Variants in ANK2 observed in about 807,000 individuals in gnomAD.
ANK2 encodes the protein ankyrin 2, also known as ankyrin-2.
Under a neutral mutation model 360.5 loss-of-function variants are expected in ANK2, and 83 were observed. The ratio of observed to expected loss-of-function variants is 0.23; its 90% confidence interval spans 0.19 to 0.28. ANK2 has a LOEUF of 0.28. Ranked by LOEUF, ANK2 falls within the 10% of genes least tolerant of loss-of-function variation. ANK2 has a pLI of 1.00. For synonymous variants in ANK2, 1,740 were observed against 1,759.5 expected, an observed-to-expected ratio of 0.99 and a Z score of 0.28; for missense variants, 4,201 against 4,795.7, an observed-to-expected ratio of 0.88 and a Z score of 3.66.
At chr4:112,971,817 A>G (rs1453855769) in intron 2 of ANK2, among the ~76,000 whole-genome samples, 1 of 152,240 alleles carries the variant, frequency 6.6e-6, no homozygotes, top group Non-Finnish European at 1.5e-5. Flanking sequence ...TCATAGGGCT[A>G]TTTCCTCAAC....
intron 15 of ANK2, among the ~76,000 whole-genome samples, chr4:113,275,026 G>A (rs1446296370): frequency 6.6e-6 from 1 of 152,206 alleles, no homozygotes; most frequent in Non-Finnish European, 1.5e-5. Context: ...GCATTAGATT[G>A]GCAGTACTAT....
At chr4:113,053,459 C>T (rs931249755) in intron 1 of ANK2, among the ~76,000 whole-genome samples, 2 of 152,112 alleles carry the variant, frequency 1.3e-5, no homozygotes, top group African/African-American at 4.8e-5. Context: ...AGTGGTGGTT[C>T]AGTGGCGAAG....
At chr4:113,342,839 GAAGA>G (rs2094446908) in intron 33 of ANK2, among the ~76,000 whole-genome samples, 174 bp from the exon 34 acceptor site, 2 of 152,202 alleles carry the variant, frequency 1.3e-5, no homozygotes, top group African/African-American at 4.8e-5. Context: ...TTACTAGTAA[GAAGA>G]AAGAGTGCTG....
chr4:113,181,757 G>A (rs1283542232), intron 2 of ANK2, among the ~76,000 whole-genome samples: 2 of 152,144 alleles, frequency 1.3e-5, no homozygotes, highest in Non-Finnish European at 2.9e-5. Flanking sequence ...CACAGAAGGA[G>A]CATGCTGGCA....
chr4:113,238,294 C>T (rs1409759052), intron 7 of ANK2, among the ~76,000 whole-genome samples: 1 of 152,124 alleles, frequency 6.6e-6, no homozygotes, highest in Non-Finnish European at 1.5e-5. Flanking sequence ...GAGACACTAA[C>T]ACGAACATTG....
intron 2 of ANK2, among the ~76,000 whole-genome samples, chr4:113,190,292 G>T (rs896458267): frequency 6.6e-6 from 1 of 151,962 alleles, no homozygotes; most frequent in Non-Finnish European, 1.5e-5. Flanking sequence ...TTCATTTTTT[G>T]TAGAGACAGG....
chr4:112,745,495 T>C, the ANK2 span, among the ~76,000 whole-genome samples: 9 of 151,950 alleles, frequency 5.9e-5, no homozygotes, highest in Non-Finnish European at 8.8e-5. Flanking sequence ...TTTATTGTTG[T>C]CTGTAGTCAC....
At chr4:113,016,050 G>A (rs981376167) in intron 2 of ANK2, among the ~76,000 whole-genome samples, 3 of 151,540 alleles carry the variant, frequency 2.0e-5, no homozygotes, top group African/African-American at 7.3e-5. Flanking sequence ...CTTGGGATAG[G>A]GTCTTACTCT....
chr4:113,079,212 T>C (rs778353362), intron 1 of ANK2, among the ~76,000 whole-genome samples: 1 of 152,246 alleles, frequency 6.6e-6, no homozygotes, highest in Non-Finnish European at 1.5e-5. Flanking sequence ...TTGGAATCTA[T>C]TGAGTTAGTG....
At chr4:113,293,626 G>A in intron 22 of ANK2, 88 bp downstream of exon 22, 1 of 1,281,048 alleles carries the variant, frequency 7.8e-7, no homozygotes, top group Non-Finnish European at 1.1e-6. Context: ...CTCACAAGAT[G>A]TTTGGAGCTT....
chr4:112,905,316 G>A (rs1207402406), intron 2 of ANK2, among the ~76,000 whole-genome samples: 1 of 152,096 alleles, frequency 6.6e-6, no homozygotes, highest in Non-Finnish European at 1.5e-5. Context: ...ATAACATATG[G>A]TGCCTTTGTA....
In ANK2 at chr4:112,921,419, A is replaced by G. The variant is rs1287847857; in HGVS notation, c.21+16905A>G. Among the ~76,000 whole-genome samples, 10 of 143,626 alleles carry G rather than the reference A, an allele frequency of 7.0e-5. No homozygotes were observed. In the East Asian group the frequency reaches 1.8e-3, roughly 26 times the overall value. The allele number at this position is 143,626 out of a possible 152,430, so 94.2% of individuals were successfully genotyped here. On this transcript the variant is annotated intron_variant, in intron 2 of 30. Coordinates refer to the ANK2 transcript ENST00000503271. ...TTTTTTAACTGTTCCATAATCTGAC[A>G]TTCTAAAAGTATAAATTATTTTGAG...
At chr4:112,710,831 T>C in the ANK2 span, among the ~76,000 whole-genome samples, 3 of 151,280 alleles carry the variant, frequency 2.0e-5, no homozygotes, top group African/African-American at 4.8e-5. Flanking sequence ...AGCTCCTCAA[T>C]TATTTGTGCT....
intron 41 of ANK2, 37 bp from the exon 42 acceptor site, chr4:113,367,529 A>G (rs1264689043): frequency 1.4e-5 from 23 of 1,598,496 alleles, no homozygotes; most frequent in Non-Finnish European, 1.9e-5. Flanking sequence ...CAATATAGGT[A>G]AGCTTCAACT....
intron 13 of ANK2, among the ~76,000 whole-genome samples, chr4:113,259,744 C>T (rs1332745553): frequency 2.0e-5 from 3 of 150,290 alleles, no homozygotes; most frequent in Non-Finnish European, 3.0e-5. Flanking sequence ...TTTCTAGTCA[C>T]TTCTTAGAAC....
chr4:113,208,965 G>A (rs2098988058), intron 4 of ANK2, among the ~76,000 whole-genome samples: 1 of 151,976 alleles, frequency 6.6e-6, no homozygotes, highest in Non-Finnish European at 1.5e-5. Context: ...TAAAGACAGT[G>A]AAGAGGCAAA....
chr4:112,902,322 G>A (rs1290425521), intron 1 of ANK2, among the ~76,000 whole-genome samples: 1 of 152,168 alleles, frequency 6.6e-6, no homozygotes, highest in Non-Finnish European at 1.5e-5. Flanking sequence ...ATGTCAGATG[G>A]AACACTTTGC....
At chr4:113,352,596 C>T (rs1279304189) in intron 37 of ANK2, among the ~76,000 whole-genome samples, 1 of 151,850 alleles carries the variant, frequency 6.6e-6, no homozygotes, top group African/African-American at 2.4e-5. Context: ...AGGAAATCAA[C>T]TTTCTGCAAT....
At chr4:113,338,272 C>A (rs1276047666) in intron 31 of ANK2, among the ~76,000 whole-genome samples, 1 of 152,060 alleles carries the variant, frequency 6.6e-6, no homozygotes, top group African/African-American at 2.4e-5. Flanking sequence ...GCCCTTTGAA[C>A]TAAAATTTTG....
Sources: gnomAD v4.1 joint callset for allele counts (sites outside exome capture counted in the v4.1 genomes callset) on GRCh38, gnomAD v4.1.1 for gene constraint, MANE v1.5 for transcripts, NCBI Gene and HGNC (gene_info 2026-07-23, HGNC 2026-07-21) for gene names.